The following PRPSAP2 variants were observed in gnomAD, a reference collection of about 807,000 sequenced individuals.
The protein encoded by PRPSAP2 is phosphoribosyl pyrophosphate synthase-associated protein 2.
Under a neutral mutation model 40.6 loss-of-function variants are expected in PRPSAP2, and 24 were observed. That is an observed-to-expected ratio of 0.59 (90% CI 0.43 to 0.83). The LOEUF is 0.83. Ranked by LOEUF, PRPSAP2 falls within the 40% of genes least tolerant of loss-of-function variation. The probability of loss-of-function intolerance (pLI) is 0.00; values close to 1 mark genes in which losing one functional copy is unlikely to be tolerated. For missense variants in PRPSAP2, 292 were observed against 465.6 expected (o/e 0.63, Z 3.43); for synonymous variants, 149 against 164.7 (o/e 0.90, Z 0.73).
chr17:18,885,966 G>T lies in PRPSAP2; in HGVS notation c.528+3283G>T, dbSNP rs957667588. Reference sequence around the variant, plus strand: ...TTGAACTTCTGAACTCCAGTGATCTGCCTGCCTCAGCTTCCCAAAGTCCTG... The same window carrying T: ...TTGAACTTCTGAACTCCAGTGATCTTCCTGCCTCAGCTTCCCAAAGTCCTG... On this transcript the variant is annotated intron_variant, in intron 7 of 11. Transcript: ENST00000268835. Among the ~76,000 whole-genome samples the T allele has an allele frequency of 6.6e-5, 10 of 151,862 alleles. No individual in the cohort carries two copies. In the East Asian group the frequency reaches 1.9e-3, roughly 29 times the overall value.
rs565623358 is a variant in PRPSAP2 at position 18,863,985 on chromosome 17, A to G, written c.-128-1484A>G. ...CTCATGAGTAGCTGGGATTACAGGC[A>G]TGTACCACCATGCCTGGCTTATTTT... On this transcript the variant is annotated intron_variant, in intron 1 of 11. Coordinates refer to ENST00000268835, the MANE Select transcript of PRPSAP2 (RefSeq NM_002767.4). 1.3e-3 allele frequency among the ~76,000 whole-genome samples: 197 copies of G among 151,538 alleles called. 1 individual carries two copies. Among genetic ancestry groups the G allele is most frequent in the Admixed American group, 2.7e-3 (41 of 15,196 alleles).
chr17:18,889,880 A>C lies in PRPSAP2; in HGVS notation c.584+3A>C, dbSNP rs2039429143. Reference sequence around the variant, plus strand: ...AAGTCTCCAGCCTCGGCGAAGAGGTAGGTGGGAATCTCACAACCTCTTTCT... The same window carrying C: ...AAGTCTCCAGCCTCGGCGAAGAGGTCGGTGGGAATCTCACAACCTCTTTCT... On this transcript the variant is annotated splice_donor_region_variant and intron_variant, in intron 8 of 11. Transcript: ENST00000268835. The C allele has an allele frequency of 6.2e-7, 1 of 1,610,158 alleles. No individual in the cohort carries two copies. The highest frequency in any genetic ancestry group is 2.2e-5 in the East Asian group (1 of 44,752).
intron 1 of PRPSAP2, chr17:18,859,441 G>A (rs889080193): frequency 6.6e-6 from 1 of 152,222 alleles, no homozygotes; most frequent in Non-Finnish European, 1.5e-5. Flanking sequence ...CTGAGACCGA[G>A]CTATTTTTGC....
intron 8 of PRPSAP2, chr17:18,908,785 A>T (rs915435823): frequency 1.5e-6 from 1 of 688,524 alleles, no homozygotes; most frequent in Non-Finnish European, 2.7e-6. Context: ...AAAAACGATC[A>T]TGCCAAAAAA....
chr17:18,902,803 A>T (rs977922259), intron 8 of PRPSAP2, among the ~76,000 whole-genome samples: 1 of 140,566 alleles, frequency 7.1e-6, no homozygotes, highest in Non-Finnish European at 1.5e-5. Context: ...TGGGAGGCAG[A>T]GGTTGCAGTT....
rs1555552116 is a variant in PRPSAP2 at position 18,885,429 on chromosome 17, A to AT, written c.528+2748dup. 1.1e-4 allele frequency among the ~76,000 whole-genome samples: 12 copies of AT among 109,274 alleles called. 1 individual carries two copies. The highest frequency in any genetic ancestry group is 3.5e-4 in the African/African-American group (10 of 28,302). The allele number at this position is 109,274 out of a possible 152,430, so 71.7% of individuals were successfully genotyped here. A position where few individuals can be genotyped will look rare whatever the true frequency, so the allele number is the denominator to read the frequency against. On this transcript the variant is annotated intron_variant, in intron 7 of 11. Transcript: ENST00000268835. ...AAAAAAAAAAAAAAAAAAAAAAAAA[A>AT]TTAATATGTGGGAACTCAGTGTTAA... is the stretch of plus-strand genomic sequence containing the variant.
chr17:18,881,047 T>A (rs990262495), intron 6 of PRPSAP2, among the ~76,000 whole-genome samples: 7 of 150,630 alleles, frequency 4.6e-5, no homozygotes, highest in South Asian at 2.1e-4. Flanking sequence ...TTGGCCAGGC[T>A]GGTCTTGAAC....
chr17:18,892,727 G>GTGTGTGTGTGTGTGTTTATT (rs60288281), intron 8 of PRPSAP2, among the ~76,000 whole-genome samples: 1 of 126,626 alleles, frequency 7.9e-6, no homozygotes. Flanking sequence ...GTGTGTGTGT[G>GTGTGTGTGTGTGTGTTTATT]TATTTATTTA....
intron 2 of PRPSAP2, 98 bp from the exon 3 acceptor site, chr17:18,865,704 C>T (rs1404962777): frequency 1.4e-6 from 1 of 695,818 alleles, no homozygotes; most frequent in Non-Finnish European, 2.0e-6. Context: ...AGGATGGAAA[C>T]TAATTTCCTT....
chr17:18,877,484 C>T (rs951363707), intron 5 of PRPSAP2, among the ~76,000 whole-genome samples: 2 of 152,134 alleles, frequency 1.3e-5, no homozygotes, highest in Non-Finnish European at 2.9e-5. Context: ...TGTGGACACG[C>T]TCCTCTGAGA....
intron 3 of PRPSAP2, among the ~76,000 whole-genome samples, chr17:18,866,838 G>T (rs1029899616): frequency 3.3e-5 from 5 of 152,192 alleles, no homozygotes; most frequent in African/African-American, 7.2e-5. Context: ...GATGGGGCAG[G>T]TTGTTCTGCT....
intron 4 of PRPSAP2, among the ~76,000 whole-genome samples, chr17:18,870,941 G>A (rs1489675596): frequency 6.6e-6 from 1 of 151,744 alleles, no homozygotes; most frequent in Non-Finnish European, 1.5e-5. Flanking sequence ...GTGAGACACC[G>A]CACCCAGCCC....
At chr17:18,897,951 T>C (rs547065982) in intron 8 of PRPSAP2, among the ~76,000 whole-genome samples, 45 of 150,870 alleles carry the variant, frequency 3.0e-4, no homozygotes, top group African/African-American at 1.1e-3. Flanking sequence ...AATATTTCTA[T>C]ACATACATTT....
chr17:18,870,772 G>A (rs1228599269), intron 4 of PRPSAP2, among the ~76,000 whole-genome samples: 3 of 149,832 alleles, frequency 2.0e-5, no homozygotes, highest in Non-Finnish European at 4.4e-5. Context: ...TCACGCCGCT[G>A]CACTCCAGCC....
rs1160613022 is a variant in PRPSAP2, at chr17:18,894,720, T to A, written c.584+4843T>A. Among the ~76,000 whole-genome samples the A allele has an allele frequency of 3.3e-5, 5 of 152,238 alleles. No homozygotes were observed. The East Asian group carries it at 7.7e-4, about 24-fold the overall frequency. On this transcript the variant is annotated intron_variant, in intron 8 of 11. Coordinates refer to ENST00000268835, the MANE Select transcript of PRPSAP2 (RefSeq NM_002767.4). The stretch of plus-strand genomic sequence containing the variant: ...GGCCAGTCTTGAACTCCTGACCTCG[T>A]GATCCACCCACCTCAGTCTCCCAAA...
rs537401040 is a variant in PRPSAP2 at position 18,858,972 on chromosome 17, T to C, written c.-129+711T>C. Among the ~76,000 whole-genome samples the C allele has an allele frequency of 5.3e-5, 8 of 152,302 alleles. No individual in the cohort carries two copies. The South Asian group carries it at 1.7e-3, about 32-fold the overall frequency. On this transcript the variant is annotated intron_variant, in intron 1 of 11. Transcript: ENST00000268835. ...TGTCCATATTCCTTTCCTGCTGCCC[T>C]CGTGTGTACCATTATTACTCAGTTG...
chr17:18,922,730 G>C (rs921150114), intron 9 of PRPSAP2, among the ~76,000 whole-genome samples: 2 of 137,554 alleles, frequency 1.5e-5, no homozygotes, highest in Non-Finnish European at 3.0e-5. Flanking sequence ...CTGGAGTGCA[G>C]TGGTGCAATC....
chr17:18,903,244 G>A (rs775522427), intron 8 of PRPSAP2, among the ~76,000 whole-genome samples: 3 of 147,552 alleles, frequency 2.0e-5, no homozygotes, highest in Non-Finnish European at 4.4e-5. Context: ...CCCGGGAGGC[G>A]GAGGTTGCGG....
At chr17:18,926,263 A>AT (rs1243545205) in intron 10 of PRPSAP2, among the ~76,000 whole-genome samples, 2 of 130,796 alleles carry the variant, frequency 1.5e-5, no homozygotes, top group African/African-American at 5.5e-5. Flanking sequence ...TTATTTATTT[A>AT]TTTATTTCTA....
Sources: gnomAD v4.1 joint callset for allele counts (sites outside exome capture counted in the v4.1 genomes callset) on GRCh38, gnomAD v4.1.1 for gene constraint, MANE v1.5 for transcripts, NCBI Gene and HGNC (gene_info 2026-07-23, HGNC 2026-07-21) for gene names.